The following ZFP69B variants were observed in gnomAD, a reference collection of about 807,000 sequenced individuals.
ZFP69B encodes ZFP69 zinc finger protein B, also known as zinc finger protein 69 homolog B.
Under a neutral mutation model 19.7 loss-of-function variants are expected in ZFP69B, and 20 were observed. The ratio of observed to expected loss-of-function variants is 1.02; its 90% CI spans 0.71 to 1.48. The LOEUF is 1.48. Among genes scored for constraint, ZFP69B ranks in the 40% most tolerant of loss-of-function variants. The probability of loss-of-function intolerance (pLI) is 0.00; values close to 1 mark genes in which losing one functional copy is unlikely to be tolerated. For missense variants in ZFP69B, 583 were observed against 632.6 expected (o/e 0.92, Z 0.84); for synonymous variants, 220 against 222.7 (o/e 0.99, Z 0.11).
At chr1:40,454,605 A>C (rs1269577453) in intron 2 of ZFP69B, among the ~76,000 whole-genome samples, 3 of 152,070 alleles carry the variant, frequency 2.0e-5, no homozygotes. Context: ...TCACCGTGTT[A>C]GGCAGATGGT....
At position 40,463,495 on chromosome 1, in the gene ZFP69B, A is replaced by G. The variant is rs745962942; in HGVS notation, c.1511A>G (p.Asp504Gly). The change falls in exon 5 of 5, where the codon GAT becomes GGT. Residue 504 changes from aspartate to glycine, a missense_variant. Asp to Gly is a moderately conservative substitution (Grantham distance 94). Transcript: ENST00000361584. ...ATTCATACTGGAGAAAAACCTTATG[A>G]TTGTAATGAGTGTGGAAAAGCCTTC... ...QRIHTGEKPYDCNECGKAFSC... is the reference protein window; with the variant it reads ...QRIHTGEKPYGCNECGKAFSC... The G allele has an allele frequency of 5.6e-6, 9 of 1,614,146 alleles. No individual in the cohort carries two copies. The highest frequency in any genetic ancestry group is 7.6e-6 in the Non-Finnish European group (9 of 1,180,004).
At chr1:40,460,812 C>G (rs1191009216) in intron 4 of ZFP69B, among the ~76,000 whole-genome samples, 1 of 151,974 alleles carries the variant, frequency 6.6e-6, no homozygotes, top group Non-Finnish European at 1.5e-5. Context: ...GAAATCCCAT[C>G]TTTACTAAAA....
intron 1 of ZFP69B, among the ~76,000 whole-genome samples, chr1:40,452,576 G>A (rs572538184): frequency 2.0e-5 from 3 of 152,310 alleles, no homozygotes; most frequent in Non-Finnish European, 2.9e-5. Flanking sequence ...TTATTCTAGA[G>A]TAAAAGAGAC....
At chr1:40,460,629 G>C (rs1433481885) in intron 4 of ZFP69B, among the ~76,000 whole-genome samples, 1 of 152,096 alleles carries the variant, frequency 6.6e-6, no homozygotes, top group Non-Finnish European at 1.5e-5. Context: ...CAGATCACTT[G>C]AGGTCAGGAG....
Position 40,460,895 on chromosome 1 carries a change from CAT to C in ZFP69B, c.437-1525_437-1524del, listed in dbSNP as rs543550131. Among the ~76,000 whole-genome samples the C allele has an allele frequency of 1.3e-3, 186 of 148,350 alleles. 2 individuals carry two copies. The highest frequency in any genetic ancestry group is 4.5e-3 in the African/African-American group (179 of 40,104). On this transcript the variant is annotated intron_variant, in intron 4 of 4. Transcript: ENST00000361584. ...ACTTGGGAGGCTGAGGCAGGAGAATCATGTGAACCCAGGAGGTGGAGGTTGCA... is the reference window on the plus strand; with the variant it reads ...ACTTGGGAGGCTGAGGCAGGAGAATCGTGAACCCAGGAGGTGGAGGTTGCA...
At chr1:40,458,500 T>C (rs1357577529) in intron 4 of ZFP69B, among the ~76,000 whole-genome samples, 8 of 150,366 alleles carry the variant, frequency 5.3e-5, no homozygotes, top group Admixed American at 4.6e-4. Context: ...CATACACTGA[T>C]CTGGAGAAAT....
rs1645302909 is a variant in ZFP69B at position 40,462,882 on chromosome 1, A to G, written c.898A>G (p.Ile300Val). The change falls in exon 5 of 5, where the codon ATT becomes GTT. Residue 300 changes from isoleucine (I) to valine (V), a missense_variant. By Grantham distance (29) the Ile-to-Val change is conservative (BLOSUM62 3). Coordinates refer to ENST00000361584, the MANE Select transcript of ZFP69B (RefSeq NM_023070.3). ...QLIHLTEHMRIHTGEKPFRCK... is the reference protein window; with the variant it reads ...QLIHLTEHMRVHTGEKPFRCK... ...TATTCACCTTACTGAACACATGAGAATTCATACCGGGGAGAAACCTTTCAG... is the reference window on the plus strand; with the variant it reads ...TATTCACCTTACTGAACACATGAGAGTTCATACCGGGGAGAAACCTTTCAG... The G allele has an allele frequency of 6.2e-7, 1 of 1,614,204 alleles. No homozygotes were observed.
Position 40,462,623 on chromosome 1 carries a change from C to G in ZFP69B, c.639C>G (p.Cys213Trp). 6.2e-7 allele frequency: 1 copy of G among 1,613,746 alleles called. No homozygotes were observed. The highest frequency in any genetic ancestry group is 8.5e-7 in the Non-Finnish European group (1 of 1,179,924). ...GTAAGGGGCAAATCCCCCTGATGTG[C>G]AAGAAAACATTCACTCAGGAGAGAG... ...RMGKGQIPLM[C>W]KKTFTQERGQ... is the part of the protein sequence containing the mutation. Residue 213 changes from cysteine (C) to tryptophan (W), a missense_variant, in exon 5 of 5, where the codon TGC (cysteine) becomes TGG (tryptophan). Physicochemically the swap from Cys to Trp is radical, Grantham distance 215. Transcript: ENST00000361584.
chr1:40,457,332 C>T lies in ZFP69B; in HGVS notation c.341-12C>T. On this transcript the variant is annotated splice_polypyrimidine_tract_variant and intron_variant, in intron 3 of 4. Coordinates refer to ENST00000361584, the MANE Select transcript of ZFP69B (RefSeq NM_023070.3). ...ACCTCAGCATATACAGTCTTTTCTTCCCCATAAGCAGGATGTCAGCTTTCC... is the reference window on the plus strand; with the variant it reads ...ACCTCAGCATATACAGTCTTTTCTTTCCCATAAGCAGGATGTCAGCTTTCC... 2 of 1,613,430 alleles carry T rather than the reference C, an allele frequency of 1.2e-6. No individual in the cohort carries two copies. Among genetic ancestry groups the T allele is most frequent in the Non-Finnish European group, 1.7e-6 (2 of 1,179,384 alleles).
intron 2 of ZFP69B, among the ~76,000 whole-genome samples, chr1:40,455,186 C>T (rs1342492967): frequency 1.3e-5 from 2 of 152,048 alleles, no homozygotes; most frequent in African/African-American, 2.4e-5. Flanking sequence ...AACAGTGTGC[C>T]GTGTGTCCTA....
At chr1:40,451,464 G>A (rs1280474588) in intron 1 of ZFP69B, among the ~76,000 whole-genome samples, 2 of 152,186 alleles carry the variant, frequency 1.3e-5, no homozygotes, top group East Asian at 1.9e-4. Context: ...AGTACCAGGT[G>A]AGCCTGGAGT....
chr1:40,453,295 G>A (rs1645202936), intron 1 of ZFP69B, among the ~76,000 whole-genome samples: 1 of 152,100 alleles, frequency 6.6e-6, no homozygotes, highest in Non-Finnish European at 1.5e-5. Flanking sequence ...TTCAGCCAGT[G>A]TTACTTAAAT....
intron 1 of ZFP69B, among the ~76,000 whole-genome samples, chr1:40,452,246 A>G (rs2124413049): frequency 6.6e-6 from 1 of 152,328 alleles, no homozygotes; most frequent in Middle Eastern, 3.4e-3. Context: ...TATCCCCTCA[A>G]ATTACTTACT....
intron 1 of ZFP69B, among the ~76,000 whole-genome samples, chr1:40,452,111 C>T (rs547368014): frequency 6.7e-6 from 1 of 149,470 alleles, no homozygotes; most frequent in East Asian, 2.0e-4. Context: ...GGTGACAGAG[C>T]AAGACCTTGT....
rs551315250 is a variant in ZFP69B at position 40,457,386 on chromosome 1, A to T, written c.383A>T (p.Lys128Ile). 3.5e-5 allele frequency: 56 copies of T among 1,614,204 alleles called. No individual in the cohort carries two copies. The South Asian group carries it at 5.6e-4, about 16-fold the overall frequency. The change falls in exon 4 of 5, where the codon AAA (lysine) becomes ATA (isoleucine). Residue 128 changes from lysine to isoleucine, a missense_variant. Lys to Ile is a moderately radical substitution (Grantham distance 102, BLOSUM62 -3). Coordinates refer to ENST00000361584, the MANE Select transcript of ZFP69B (RefSeq NM_023070.3). ...SKPGVISQLEKGEEPWLMERD... is the reference protein window; with the variant it reads ...SKPGVISQLEIGEEPWLMERD... ...CCTGGCGTGATTTCCCAGTTGGAGA[A>T]AGGAGAAGAACCATGGCTGATGGAG...
In ZFP69B at chr1:40,450,997, G is replaced by A. The variant is rs1246555296; in HGVS notation, c.36G>A (p.Glu12=). 4 of 1,551,748 alleles carry A rather than the reference G, an allele frequency of 2.6e-6. No individual in the cohort carries two copies. The highest frequency in any genetic ancestry group is 1.7e-4 in the Middle Eastern group (1 of 5,982). Residue 12 remains glutamate, a synonymous_variant, in exon 1 of 5, where the codon GAG becomes GAA. Transcript: ENST00000361584. ...AGCTCCTGATCACCCTGCCCACCGA[G>A]GCCAGCACCTGGGTGAAGTTGCGTC... is the stretch of plus-strand genomic sequence containing the variant. The part of the protein sequence containing the change: ...LQQLLITLPT[E]ASTWVKLRHP...
rs989761323 is a variant in ZFP69B at position 40,458,769 on chromosome 1, C to T, written c.436+1330C>T. The stretch of plus-strand genomic sequence containing the variant: ...TCTTGGCCTCAAGTGATCTGCCTAC[C>T]TTGGCCTCCTAAAGTGCTAGGATTA... On this transcript the variant is annotated intron_variant, in intron 4 of 4. Transcript: ENST00000361584. Among the ~76,000 whole-genome samples, 4 of 152,140 alleles carry T rather than the reference C, an allele frequency of 2.6e-5. No homozygotes were observed. In the East Asian group the frequency reaches 7.7e-4, roughly 29 times the overall value.
chr1:40,450,933 G>T lies in ZFP69B; in HGVS notation c.-29G>T. Reference sequence around the variant, plus strand: ...ACAAGCCCTATGGGCTAAGACAGAGGGTCCTCAGAAAGGAGTGCGGACGCC... The same window carrying T: ...ACAAGCCCTATGGGCTAAGACAGAGTGTCCTCAGAAAGGAGTGCGGACGCC... On this transcript the variant is annotated 5_prime_UTR_variant, in exon 1 of 5. Coordinates refer to ENST00000361584, the MANE Select transcript of ZFP69B (RefSeq NM_023070.3). 2 of 1,532,924 alleles carry T rather than the reference G, an allele frequency of 1.3e-6. No homozygotes were observed. The highest frequency in any genetic ancestry group is 5.0e-5 in the East Asian group (2 of 40,224). The allele number at this position is 1,532,924 out of a possible 1,614,324, so 95.0% of individuals were successfully genotyped here. A position where few individuals can be genotyped will look rare whatever the true frequency, so the allele number is the denominator to read the frequency against.
chr1:40,457,915 T>A (rs1174144923), intron 4 of ZFP69B, among the ~76,000 whole-genome samples: 2 of 152,260 alleles, frequency 1.3e-5, no homozygotes, highest in Non-Finnish European at 2.9e-5. Context: ...TTAACTTGTG[T>A]AATTTAACTT....
Sources: gnomAD v4.1 joint callset for allele counts (sites outside exome capture counted in the v4.1 genomes callset) on GRCh38, gnomAD v4.1.1 for gene constraint, MANE v1.5 for transcripts, NCBI Gene and HGNC (gene_info 2026-07-23, HGNC 2026-07-21) for gene names.